Variants in RAB7A observed in about 807,000 individuals in gnomAD.
The protein encoded by RAB7A is RAB7A, member RAS oncogene family, also known as ras-related protein Rab-7a.
In RAB7A, 2 loss-of-function variants were observed where a neutral mutation model predicts 24.5. That is an observed-to-expected ratio of 0.08 (90% confidence interval 0.03 to 0.26). RAB7A has a LOEUF of 0.26. RAB7A is among the 10% of genes least tolerant of loss of function. The pLI is 1.00. For synonymous variants in RAB7A, 100 were observed against 95.9 expected, an observed-to-expected ratio of 1.04 and a Z score of -0.25; for missense variants, 118 against 255.7, an observed-to-expected ratio of 0.46 and a Z score of 3.67.
intron 1 of RAB7A, among the ~76,000 whole-genome samples, chr3:128,737,427 T>C (rs1013710069): frequency 6.9e-6 from 1 of 144,966 alleles, no homozygotes; most frequent in African/African-American, 2.5e-5. Flanking sequence ...CACTGCAGCC[T>C]CTGCCTCCCA....
chr3:128,793,859 C>T (rs903651425), intron 1 of RAB7A, among the ~76,000 whole-genome samples: 12 of 152,200 alleles, frequency 7.9e-5, no homozygotes, highest in African/African-American at 2.9e-4. Context: ...AGGCTTTTGG[C>T]AGAGAAACAG....
At chr3:128,748,575 A>G (rs931091831) in intron 1 of RAB7A, 1 of 152,170 alleles carries the variant, frequency 6.6e-6, no homozygotes, top group African/African-American at 2.4e-5. Context: ...TGGTGTAGTC[A>G]TATTTGTTTT....
intron 1 of RAB7A, among the ~76,000 whole-genome samples, chr3:128,730,091 A>G (rs894790832): frequency 2.6e-5 from 4 of 152,248 alleles, no homozygotes; most frequent in Middle Eastern, 3.4e-3. Context: ...ATAGTTCTCT[A>G]TGCTTCTCTG....
chr3:128,753,494 A>G (rs1044502122), intron 1 of RAB7A, among the ~76,000 whole-genome samples: 3 of 152,216 alleles, frequency 2.0e-5, no homozygotes, highest in Non-Finnish European at 4.4e-5. Flanking sequence ...ATGAGGGTGG[A>G]ATTAAAACAT....
intron 1 of RAB7A, chr3:128,785,538 C>T (rs1268869280): frequency 3.3e-5 from 5 of 152,080 alleles, no homozygotes. Flanking sequence ...CCAGGCAGAT[C>T]AGTTGAATTC....
At chr3:128,798,328 C>T (rs1933618290) in intron 3 of RAB7A, 1 of 414,220 alleles carries the variant, frequency 2.4e-6, no homozygotes. Flanking sequence ...TTTATCCTTT[C>T]TTGTTTTTTG....
In RAB7A at chr3:128,813,488, A is replaced by G. The variant is rs1933972611; in HGVS notation, c.*66A>G. ...AGAACACACGTAGGCCTTCAACACA[A>G]TTCCCCTCTCCTCTTCCAAACAAAA... On this transcript the variant is annotated 3_prime_UTR_variant, in exon 6 of 6. Coordinates refer to ENST00000265062, the MANE Select transcript of RAB7A (RefSeq NM_004637.6). The G allele has an allele frequency of 5.7e-6, 8 of 1,410,438 alleles. No individual in the cohort carries two copies. In the Admixed American group the frequency reaches 1.0e-4, roughly 18 times the overall value. The allele number at this position is 1,410,438 out of a possible 1,614,324, so 87.4% of individuals were successfully genotyped here.
intron 2 of RAB7A, among the ~76,000 whole-genome samples, chr3:128,795,927 A>AT (rs1933565267): frequency 6.6e-6 from 1 of 150,554 alleles, no homozygotes; most frequent in East Asian, 2.0e-4. Flanking sequence ...AGTTTTTTGT[A>AT]TTTTTGGTAG....
At chr3:128,737,338 C>CTTTTTTTTTTT (rs34916629) in intron 1 of RAB7A, among the ~76,000 whole-genome samples, 1 of 90,032 alleles carries the variant, frequency 1.1e-5, no homozygotes, top group African/African-American at 4.8e-5. Flanking sequence ...CGCTCCCGGC[C>CTTTTTTTTTTT]TTTTTTTTTT....
intron 1 of RAB7A, among the ~76,000 whole-genome samples, chr3:128,730,982 TGC>T (rs1305553113): frequency 6.6e-6 from 1 of 152,184 alleles, no homozygotes; most frequent in East Asian, 1.9e-4. Context: ...TCTCCAGCCT[TGC>T]TTGTCTCTTA....
intron 1 of RAB7A, among the ~76,000 whole-genome samples, chr3:128,792,253 T>A (rs79050908): frequency 6.6e-6 from 1 of 152,210 alleles, no homozygotes; most frequent in Admixed American, 6.5e-5. Context: ...CTGTTTTTTT[T>A]CTTTTTAATA....
chr3:128,781,677 A>G lies in RAB7A; in HGVS notation c.-8-13683A>G, dbSNP rs371288316. 1.4e-4 allele frequency among the ~76,000 whole-genome samples: 22 copies of G among 151,780 alleles called. No individual in the cohort carries two copies. In the East Asian group the frequency reaches 3.5e-3, roughly 24 times the overall value. On this transcript the variant is annotated intron_variant, in intron 1 of 5. Coordinates refer to ENST00000265062, the MANE Select transcript of RAB7A (RefSeq NM_004637.6). ...GGAGGGAGAGACCTTGTCTGAAAAA[A>G]CAAAAAACAGTTCACACAGCTGAAT...
intron 1 of RAB7A, among the ~76,000 whole-genome samples, chr3:128,730,591 A>G (rs1271191408): frequency 6.6e-6 from 1 of 152,206 alleles, no homozygotes; most frequent in Non-Finnish European, 1.5e-5. Context: ...ATCAGAGGTA[A>G]AAGTGATGTG....
intron 3 of RAB7A, among the ~76,000 whole-genome samples, chr3:128,803,909 T>G (rs1021048353): frequency 1.3e-5 from 2 of 152,218 alleles, no homozygotes; most frequent in Non-Finnish European, 2.9e-5. Flanking sequence ...TAGACAGTTA[T>G]AAGGGTATAA....
chr3:128,799,739 C>T (rs1412272565), intron 3 of RAB7A, among the ~76,000 whole-genome samples: 1 of 152,184 alleles, frequency 6.6e-6, no homozygotes, highest in African/African-American at 2.4e-5. Context: ...ATTGGCAAAG[C>T]TTGTGTCTGC....
At chr3:128,794,673 G>T (rs760939117) in intron 1 of RAB7A, among the ~76,000 whole-genome samples, 3 of 152,138 alleles carry the variant, frequency 2.0e-5, no homozygotes, top group Non-Finnish European at 2.9e-5. Flanking sequence ...GAAGACAGTT[G>T]AGCAGAGATC....
At chr3:128,795,750 G>GTTTTTTTTTTTTTTTT (rs1491091651) in intron 2 of RAB7A, among the ~76,000 whole-genome samples, 16 of 6,880 alleles carry the variant, frequency 2.3e-3, no homozygotes, top group Non-Finnish European at 5.8e-3. Context: ...TAGCAGATGT[G>GTTTTTTTTTTTTTTTT]CTTTTTTTTT....
chr3:128,741,963 C>T (rs745699734), intron 1 of RAB7A, among the ~76,000 whole-genome samples: 4 of 152,012 alleles, frequency 2.6e-5, no homozygotes, highest in African/African-American at 7.2e-5. Flanking sequence ...CTAGTATGTC[C>T]GGAATTGGTG....
intron 3 of RAB7A, among the ~76,000 whole-genome samples, chr3:128,800,216 A>C (rs536281060): frequency 1.3e-5 from 2 of 152,372 alleles, no homozygotes; most frequent in Non-Finnish European, 2.9e-5. Context: ...ATAAAGGAAC[A>C]ACAGACTGAC....
Sources: gnomAD v4.1 joint callset for allele counts (sites outside exome capture counted in the v4.1 genomes callset) on GRCh38, gnomAD v4.1.1 for gene constraint, MANE v1.5 for transcripts, NCBI Gene and HGNC (gene_info 2026-07-23, HGNC 2026-07-21) for gene names.